The following CSMD3 variants were observed in gnomAD, a reference collection of about 807,000 sequenced individuals.
The protein encoded by CSMD3 is CUB and Sushi multiple domains 3, also known as CUB and sushi domain-containing protein 3.
In CSMD3, 177 loss-of-function variants were observed where a neutral mutation model predicts 435.2. That is an observed-to-expected ratio of 0.41 (90% CI 0.36 to 0.46). The LOEUF (loss-of-function observed/expected upper bound fraction) is 0.46, where lower values mean the gene tolerates loss of function less well. Among genes scored for constraint, CSMD3 ranks in the 20% least tolerant of loss-of-function variants. The pLI is 0.34. For synonymous variants in CSMD3, 1,656 were observed against 1,520.5 expected, an observed-to-expected ratio of 1.09 and a Z score of -2.07; for missense variants, 4,265 against 4,504.6, an observed-to-expected ratio of 0.95 and a Z score of 1.52.
At chr8:112,872,973 G>C (rs1365233497) in intron 10 of CSMD3, among the ~76,000 whole-genome samples, 2 of 151,888 alleles carry the variant, frequency 1.3e-5, no homozygotes, top group African/African-American at 4.8e-5. Context: ...GTGTAGTGAA[G>C]AAGCCAGACA....
At chr8:113,188,111 G>A (rs1480457) in intron 3 of CSMD3, among the ~76,000 whole-genome samples, 1 of 151,902 alleles carries the variant, frequency 6.6e-6, no homozygotes, top group Non-Finnish European at 1.5e-5. Context: ...CTTCACACAG[G>A]AAGCAATAGT....
chr8:112,911,209 C>G (rs192264335), intron 10 of CSMD3, among the ~76,000 whole-genome samples: 1 of 151,902 alleles, frequency 6.6e-6, no homozygotes, highest in African/African-American at 2.4e-5. Flanking sequence ...TTGTCTCTCT[C>G]AAACCATATG....
chr8:112,258,654 T>C (rs1192083903), intron 61 of CSMD3, among the ~76,000 whole-genome samples: 1 of 152,106 alleles, frequency 6.6e-6, no homozygotes, highest in Non-Finnish European at 1.5e-5. Flanking sequence ...TGTGGAGAAA[T>C]AGGAACGCTT....
chr8:112,704,581 C>G (rs1399356646), intron 13 of CSMD3, among the ~76,000 whole-genome samples: 2 of 152,014 alleles, frequency 1.3e-5, no homozygotes, highest in Non-Finnish European at 2.9e-5. Context: ...CGATGATTAT[C>G]AAAATTTTTT....
chr8:113,061,865 A>G (rs1403047403), intron 5 of CSMD3, among the ~76,000 whole-genome samples: 1 of 151,860 alleles, frequency 6.6e-6, no homozygotes, highest in Non-Finnish European at 1.5e-5. Context: ...CACTAATCTT[A>G]TGATATAGAC....
intron 5 of CSMD3, among the ~76,000 whole-genome samples, chr8:113,083,589 A>G (rs923362146): frequency 2.0e-5 from 3 of 152,162 alleles, no homozygotes; most frequent in Non-Finnish European, 4.4e-5. Flanking sequence ...CACTGGTATA[A>G]AAGATATACA....
chr8:112,687,807 A>T (rs1341577867), intron 14 of CSMD3, among the ~76,000 whole-genome samples: 1 of 152,094 alleles, frequency 6.6e-6, no homozygotes, highest in Non-Finnish European at 1.5e-5. Flanking sequence ...ATCATATTTC[A>T]TATTTAAGGG....
chr8:113,079,991 C>T (rs1245645741), intron 5 of CSMD3, among the ~76,000 whole-genome samples: 1 of 152,076 alleles, frequency 6.6e-6, no homozygotes, highest in Non-Finnish European at 1.5e-5. Context: ...AGTTGAGATG[C>T]TCTTTTTCTG....
At chr8:112,410,045 A>G (rs902214415) in intron 32 of CSMD3, among the ~76,000 whole-genome samples, 2 of 151,948 alleles carry the variant, frequency 1.3e-5, no homozygotes, top group African/African-American at 4.8e-5. Context: ...ATGCTGATTC[A>G]AATTGTATAC....
intron 1 of CSMD3, among the ~76,000 whole-genome samples, chr8:113,337,177 C>A (rs1158963043): frequency 6.6e-6 from 1 of 152,036 alleles, no homozygotes; most frequent in Non-Finnish European, 1.5e-5. Context: ...AAGGAAATTC[C>A]AGAGAACTAG....
intron 3 of CSMD3, among the ~76,000 whole-genome samples, chr8:113,244,079 G>T (rs948566630): frequency 3.9e-5 from 6 of 151,956 alleles, no homozygotes; most frequent in African/African-American, 1.4e-4. Flanking sequence ...TACACAATTT[G>T]AAAATATTTT....
At chr8:112,311,238 A>G in intron 49 of CSMD3, 72 bp from the exon 50 acceptor site, 1 of 1,246,400 alleles carries the variant, frequency 8.0e-7, no homozygotes, top group Non-Finnish European at 1.2e-6. Flanking sequence ...ATAAACACCT[A>G]TACAGCGACT....
intron 32 of CSMD3, among the ~76,000 whole-genome samples, chr8:112,412,207 TGA>T (rs745939673): frequency 1.2e-4 from 19 of 152,136 alleles, no homozygotes; most frequent in Non-Finnish European, 2.6e-4. Flanking sequence ...TATATTTATA[TGA>T]GAGTCATAAT....
intron 1 of CSMD3, among the ~76,000 whole-genome samples, chr8:113,371,589 C>T (rs531230113): frequency 6.6e-4 from 101 of 152,032 alleles, no homozygotes; most frequent in Non-Finnish European, 1.3e-3. Flanking sequence ...CCTTGGAACT[C>T]GGTGACAGTG....
At chr8:112,410,632 ATATATGTATATATATATGTG>A (rs1296063489) in intron 32 of CSMD3, among the ~76,000 whole-genome samples, 5 of 102,424 alleles carry the variant, frequency 4.9e-5, no homozygotes, top group South Asian at 3.1e-4. Flanking sequence ...ATATGTGTAT[ATATATGTATATATATATGTG>A]TATATATATG....
Position 112,786,568 on chromosome 8 carries a change from AAAC to A in CSMD3, c.1972+13591_1972+13593del, listed in dbSNP as rs1156256855. On this transcript the variant is annotated intron_variant, in intron 13 of 70. Transcript: ENST00000297405. ...TATATACAACTCAATAGGAAAAAAA[AAAC>A]CAATAATCTGAATAAAAAATGGGCA... Among the ~76,000 whole-genome samples, 3 of 152,054 alleles carry A rather than the reference AAAC, an allele frequency of 2.0e-5. No homozygotes were observed. In the East Asian group the frequency reaches 5.8e-4, roughly 29 times the overall value.
chr8:112,536,209 A>T (rs1247469416), intron 27 of CSMD3, among the ~76,000 whole-genome samples: 8 of 150,934 alleles, frequency 5.3e-5, no homozygotes, highest in Non-Finnish European at 8.9e-5. Context: ...GCACAGCAAA[A>T]GAAACTACCA....
At chr8:112,615,765 C>A (rs7017061) in intron 22 of CSMD3, among the ~76,000 whole-genome samples, 1 of 151,752 alleles carries the variant, frequency 6.6e-6, no homozygotes, top group African/African-American at 2.4e-5. Flanking sequence ...CTTTGGGACA[C>A]TGGAGCTGCT....
At chr8:112,369,325 A>T (rs2131166175) in intron 38 of CSMD3, among the ~76,000 whole-genome samples, 1 of 152,216 alleles carries the variant, frequency 6.6e-6, no homozygotes, top group South Asian at 2.1e-4. Flanking sequence ...ATTTACAAAA[A>T]CCCAAAAGCA....
Sources: gnomAD v4.1 joint callset for allele counts (sites outside exome capture counted in the v4.1 genomes callset) on GRCh38, gnomAD v4.1.1 for gene constraint, MANE v1.5 for transcripts, NCBI Gene and HGNC (gene_info 2026-07-23, HGNC 2026-07-21) for gene names.